The following FGGY variants were observed in gnomAD, a reference collection of about 807,000 sequenced individuals.
FGGY encodes the protein FGGY carbohydrate kinase domain-containing protein.
FGGY carries 72 observed loss-of-function variants against 71.3 expected under a neutral mutation model. The observed-to-expected ratio is 1.01, with a 90% CI of 0.84 to 1.23. The LOEUF (loss-of-function observed/expected upper bound fraction) is 1.23. FGGY is among the 50% of genes most tolerant of loss of function. The probability of loss-of-function intolerance (pLI) is 0.00; values close to 1 mark genes in which losing one functional copy is unlikely to be tolerated. For synonymous variants in FGGY, 251 were observed against 250.3 expected (o/e 1.00, Z -0.02); for missense variants, 668 against 682.3 (o/e 0.98, Z 0.23).
chr1:59,605,169 G>A (rs907283388), intron 8 of FGGY, among the ~76,000 whole-genome samples: 7 of 152,102 alleles, frequency 4.6e-5, no homozygotes, highest in African/African-American at 1.7e-4. Context: ...GACTGAATTA[G>A]GTACCTCCCT....
chr1:59,653,766 T>C (rs1267525986), intron 11 of FGGY, among the ~76,000 whole-genome samples: 1 of 152,256 alleles, frequency 6.6e-6, no homozygotes, highest in Non-Finnish European at 1.5e-5. Flanking sequence ...TTCGGCCATC[T>C]TGGCTCCTCC....
intron 14 of FGGY, among the ~76,000 whole-genome samples, chr1:59,742,757 T>C (rs1573937083): frequency 6.6e-6 from 1 of 152,232 alleles, no homozygotes; most frequent in Non-Finnish European, 1.5e-5. Flanking sequence ...CTCAAGGACA[T>C]TCTGAGCCCA....
At chr1:59,566,178 C>A (rs1315448015) in intron 8 of FGGY, among the ~76,000 whole-genome samples, 1 of 151,888 alleles carries the variant, frequency 6.6e-6, no homozygotes, top group African/African-American at 2.4e-5. Flanking sequence ...AGGGTTTGTC[C>A]TTTTCCAGAA....
chr1:59,520,370 A>G (rs2094791063), intron 7 of FGGY, among the ~76,000 whole-genome samples: 1 of 152,190 alleles, frequency 6.6e-6, no homozygotes, highest in Non-Finnish European at 1.5e-5. Flanking sequence ...GTCAAGCCAC[A>G]CGGGACAACT....
intron 5 of FGGY, among the ~76,000 whole-genome samples, chr1:59,381,178 TG>T (rs1308621461): frequency 2.0e-5 from 3 of 152,234 alleles, no homozygotes; most frequent in Non-Finnish European, 2.9e-5. Context: ...AGTACCATGC[TG>T]TTTTGGTTAC....
At chr1:59,757,681 G>A (rs2098304611) in intron 14 of FGGY, among the ~76,000 whole-genome samples, 2 of 152,130 alleles carry the variant, frequency 1.3e-5, no homozygotes, top group African/African-American at 4.8e-5. Context: ...ATGCCCCAGA[G>A]GCCTCAATAC....
chr1:59,420,496 G>C (rs954696283), intron 5 of FGGY, among the ~76,000 whole-genome samples: 1 of 152,162 alleles, frequency 6.6e-6, no homozygotes, highest in African/African-American at 2.4e-5. Flanking sequence ...CTCAGTCTTT[G>C]ACATTGTTTT....
Position 59,533,296 on chromosome 1 carries a change from G to T in FGGY, c.800-20828G>T, listed in dbSNP as rs545850989. Among the ~76,000 whole-genome samples the T allele has an allele frequency of 7.2e-5, 11 of 152,288 alleles. No individual in the cohort carries two copies. In the South Asian group the frequency reaches 2.3e-3, roughly 32 times the overall value. ...CACCCGAATATTGCGCTTTTCCGAC[G>T]GGCTTAAAAAACAGCACACCAGATT... is the stretch of plus-strand genomic sequence containing the variant. On this transcript the variant is annotated intron_variant, in intron 7 of 15. Coordinates refer to ENST00000303721, the MANE Select transcript of FGGY (RefSeq NM_018291.5).
At chr1:59,650,699 C>T (rs1038864997) in intron 11 of FGGY, among the ~76,000 whole-genome samples, 2 of 125,896 alleles carry the variant, frequency 1.6e-5, no homozygotes, top group African/African-American at 3.9e-5. Context: ...TTCAAAAAAC[C>T]AGCTCCTGGA....
At chr1:59,660,085 G>A (rs1020463218) in intron 11 of FGGY, 134 bp from the exon 12 acceptor site, 19 of 712,184 alleles carry the variant, frequency 2.7e-5, no homozygotes, top group African/African-American at 1.2e-4. Flanking sequence ...TTCACGTTCC[G>A]CTCACAAAAA....
chr1:59,427,802 A>G (rs902730153), intron 5 of FGGY, among the ~76,000 whole-genome samples: 2 of 152,178 alleles, frequency 1.3e-5, no homozygotes, highest in African/African-American at 4.8e-5. Context: ...GATGGAAGTA[A>G]CACTGCATGA....
intron 7 of FGGY, among the ~76,000 whole-genome samples, chr1:59,526,508 A>G (rs2094984778): frequency 6.6e-6 from 1 of 152,234 alleles, no homozygotes; most frequent in East Asian, 1.9e-4. Context: ...GTATTCAGAA[A>G]AATCCTAATA....
chr1:59,610,407 T>G (rs1275082101), intron 9 of FGGY, among the ~76,000 whole-genome samples: 1 of 152,206 alleles, frequency 6.6e-6, no homozygotes, highest in Admixed American at 6.5e-5. Flanking sequence ...TGCAAAGAGA[T>G]CTCATGCCTT....
At chr1:59,609,249 T>TACGATAAAAAGCTTACGATAAA (rs2096652336) in intron 9 of FGGY, among the ~76,000 whole-genome samples, 2 of 152,164 alleles carry the variant, frequency 1.3e-5, no homozygotes, top group South Asian at 4.1e-4. Flanking sequence ...CGATAAAAGT[T>TACGATAAAAAGCTTACGATAAA]AGAGAGTAGG....
chr1:59,527,035 T>G (rs2095006683), intron 7 of FGGY, among the ~76,000 whole-genome samples: 1 of 152,222 alleles, frequency 6.6e-6, no homozygotes, highest in South Asian at 2.1e-4. Context: ...GATTGAATGC[T>G]AAAATTAATT....
chr1:59,402,149 G>A (rs373708880), intron 5 of FGGY, among the ~76,000 whole-genome samples: 55 of 152,308 alleles, frequency 3.6e-4, no homozygotes, highest in African/African-American at 1.2e-3. Context: ...GTGAAGTCAG[G>A]ACATGATGGA....
intron 6 of FGGY, among the ~76,000 whole-genome samples, chr1:59,496,242 C>T (rs906314067): frequency 9.9e-5 from 15 of 151,924 alleles, no homozygotes; most frequent in Admixed American, 9.8e-4. Flanking sequence ...TTTTTTGTGT[C>T]ACTATTCAAA....
intron 8 of FGGY, among the ~76,000 whole-genome samples, chr1:59,603,950 A>G (rs910670187): frequency 5.9e-5 from 9 of 152,234 alleles, no homozygotes; most frequent in African/African-American, 2.2e-4. Flanking sequence ...TTTTTGTAAC[A>G]CTGGGCATGT....
At chr1:59,744,513 G>A (rs527723643) in intron 14 of FGGY, among the ~76,000 whole-genome samples, 40 of 152,184 alleles carry the variant, frequency 2.6e-4, no homozygotes, top group South Asian at 2.5e-3. Context: ...GAGCCACTGC[G>A]CCCGGCCCAC....
Sources: allele counts gnomAD v4.1 joint callset (sites outside exome capture counted in the v4.1 genomes callset), GRCh38; gene constraint gnomAD v4.1.1; transcripts MANE v1.5; gene names NCBI Gene and HGNC (gene_info 2026-07-23, HGNC 2026-07-21).